GALNT9: variants seen among roughly 807,000 people sequenced by gnomAD.
GALNT9 encodes polypeptide N-acetylgalactosaminyltransferase 9.
Under a neutral mutation model 63.1 loss-of-function variants are expected in GALNT9, and 47 were observed. The ratio of observed to expected loss-of-function variants is 0.75; its 90% CI spans 0.59 to 0.95. The LOEUF (loss-of-function observed/expected upper bound fraction) is 0.95. Ranked by LOEUF, GALNT9 falls within the 40% of genes least tolerant of loss-of-function variation. The pLI, the probability that GALNT9 is intolerant of heterozygous loss-of-function variation, is 0.00. For missense variants in GALNT9, 829 were observed against 874.8 expected, an observed-to-expected ratio of 0.95 and a Z score of 0.66; for synonymous variants, 396 against 365.7, an observed-to-expected ratio of 1.08 and a Z score of -0.94.
rs374531225 is a variant in GALNT9, at chr12:132,206,812, G to A, written c.1078-3122C>T. On this transcript the variant is annotated intron_variant, in intron 6 of 10. Transcript: ENST00000328957. ...TGGAGATGGCGGCTGACCTGAGTGC[G>A]GCACGCCATACCCCGTGAACGGGGA... Among the ~76,000 whole-genome samples the A allele has an allele frequency of 3.5e-4, 53 of 152,256 alleles. 1 individual carries two copies. The highest frequency in any genetic ancestry group is 6.5e-4 in the Admixed American group (10 of 15,294).
At chr12:132,218,840 A>G (rs1877323457) in intron 6 of GALNT9, among the ~76,000 whole-genome samples, 1 of 152,162 alleles carries the variant, frequency 6.6e-6, no homozygotes, top group South Asian at 2.1e-4. Context: ...AGACCCTCCC[A>G]CTCACCTCAC....
At chr12:132,197,400 G>A in intron 10 of GALNT9, 147 bp from the exon 11 acceptor site, 1 of 1,210,950 alleles carries the variant, frequency 8.3e-7, no homozygotes, top group Non-Finnish European at 1.1e-6. Context: ...GCAGCACCCA[G>A]GGGGGCCGGG....
chr12:132,271,143 C>T (rs1879848566), intron 2 of GALNT9, among the ~76,000 whole-genome samples: 2 of 152,302 alleles, frequency 1.3e-5, no homozygotes, highest in East Asian at 1.9e-4. Flanking sequence ...TGTGTTACTG[C>T]GGCAGCAGTG....
At chr12:132,205,043 G>A (rs970280193) in intron 6 of GALNT9, among the ~76,000 whole-genome samples, 12 of 152,150 alleles carry the variant, frequency 7.9e-5, no homozygotes, top group African/African-American at 1.2e-4. Flanking sequence ...CTGCAGGGGC[G>A]CACGGGGTGG....
At chr12:132,256,975 T>C (rs1879145102) in intron 5 of GALNT9, among the ~76,000 whole-genome samples, 1 of 152,210 alleles carries the variant, frequency 6.6e-6, no homozygotes, top group African/African-American at 2.4e-5. Context: ...TGTCGCGCCC[T>C]GTCCTTTAGC....
intron 6 of GALNT9, among the ~76,000 whole-genome samples, chr12:132,228,486 A>G (rs1476254857): frequency 6.6e-6 from 1 of 150,746 alleles, no homozygotes; most frequent in African/African-American, 2.5e-5. Context: ...GCGGCCAGTC[A>G]GCACCTCCTC....
At chr12:132,268,007 G>C (rs1417149462) in intron 2 of GALNT9, among the ~76,000 whole-genome samples, 3 of 139,010 alleles carry the variant, frequency 2.2e-5, no homozygotes, top group Non-Finnish European at 3.1e-5. Flanking sequence ...ACACACACAG[G>C]CAGATACACA....
chr12:132,325,053 C>A (rs1868979197), intron 1 of GALNT9, among the ~76,000 whole-genome samples: 1 of 151,984 alleles, frequency 6.6e-6, no homozygotes, highest in Admixed American at 6.5e-5. Flanking sequence ...TATGAGATGC[C>A]ACCCCACTTC....
At chr12:132,258,709 G>A (rs1456438220) in intron 4 of GALNT9, among the ~76,000 whole-genome samples, 1 of 152,228 alleles carries the variant, frequency 6.6e-6, no homozygotes, top group Non-Finnish European at 1.5e-5. Flanking sequence ...AGAGGAAGGT[G>A]AGTAGAAGCA....
At chr12:132,285,879 G>A (rs1282504419) in intron 2 of GALNT9, among the ~76,000 whole-genome samples, 2 of 152,188 alleles carry the variant, frequency 1.3e-5, no homozygotes, top group Non-Finnish European at 2.9e-5. Context: ...GAGAGAAGGA[G>A]AGAGGGAGAG....
intron 6 of GALNT9, among the ~76,000 whole-genome samples, chr12:132,226,786 C>T (rs1187176157): frequency 6.7e-6 from 1 of 148,546 alleles, no homozygotes; most frequent in East Asian, 2.0e-4. Flanking sequence ...ACATCCCACA[C>T]ATACACCCCA....
chr12:132,313,809 CCCAT>C (rs1328036627), intron 1 of GALNT9, among the ~76,000 whole-genome samples: 4 of 104,440 alleles, frequency 3.8e-5, no homozygotes, highest in East Asian at 3.8e-4. Context: ...CACCCATCCA[CCCAT>C]CCACCCACCC....
intron 4 of GALNT9, among the ~76,000 whole-genome samples, chr12:132,258,192 T>C (rs1201325702): frequency 2.0e-5 from 3 of 152,078 alleles, no homozygotes; most frequent in Admixed American, 1.3e-4. Flanking sequence ...CAGGGGTCCA[T>C]AAGAGGTCAG....
In GALNT9 at chr12:132,262,526, G is replaced by A; in HGVS notation, c.519C>T (p.Ser173=). 6 of 1,551,434 alleles carry A rather than the reference G, an allele frequency of 3.9e-6. No individual in the cohort carries two copies. Among genetic ancestry groups the A allele is most frequent in the Middle Eastern group, 1.7e-4 (1 of 5,988 alleles). The stretch of plus-strand genomic sequence containing the variant: ...GCTGGGAGGGCGTGTGGTTGACCAC[G>A]CTGTGCACGGAGCGCAGGATGACCG... ...ALSVILRSVH[S]VVNHTPSQLL... is the part of the protein sequence containing the mutation. The change falls in exon 3 of 11, where the codon AGC becomes AGT. Residue 173 remains serine (S), a synonymous_variant. Transcript: ENST00000328957.
At chr12:132,313,178 C>CATCT in intron 1 of GALNT9, among the ~76,000 whole-genome samples, 1 of 142,318 alleles carries the variant, frequency 7.0e-6, no homozygotes, top group African/African-American at 2.6e-5. Context: ...TCCACCCACC[C>CATCT]ACCCATCCCT....
At chr12:132,267,048 C>T (rs554481326) in intron 2 of GALNT9, among the ~76,000 whole-genome samples, 68 of 152,266 alleles carry the variant, frequency 4.5e-4, no homozygotes, top group African/African-American at 1.1e-3. Flanking sequence ...TCTGGATGTG[C>T]GGTTGAGCTC....
intron 10 of GALNT9, 42 bp downstream of exon 10, chr12:132,197,750 G>GCCCCCCCCCCAACCCCCC: frequency 7.9e-7 from 1 of 1,266,538 alleles, no homozygotes; most frequent in Non-Finnish European, 1.1e-6. Flanking sequence ...CAGCAGCCCT[G>GCCCCCCCCCCAACCCCCC]CCCCGCCCCA....
At chr12:132,243,725 C>T (rs962368232) in intron 6 of GALNT9, among the ~76,000 whole-genome samples, 2 of 152,172 alleles carry the variant, frequency 1.3e-5, no homozygotes, top group Non-Finnish European at 2.9e-5. Context: ...ACGTGTCCAT[C>T]GTGGCTCTCC....
At chr12:132,267,034 C>T (rs185448912) in intron 2 of GALNT9, among the ~76,000 whole-genome samples, 55 of 152,278 alleles carry the variant, frequency 3.6e-4, no homozygotes, top group African/African-American at 1.2e-3. Context: ...AGGTGTGATC[C>T]GCGTCTGGAT....
Sources: allele counts gnomAD v4.1 joint callset (sites outside exome capture counted in the v4.1 genomes callset), GRCh38; gene constraint gnomAD v4.1.1; transcripts MANE v1.5; gene names NCBI Gene and HGNC (gene_info 2026-07-23, HGNC 2026-07-21).